The following DOCK2 variants were observed in gnomAD, a reference collection of about 807,000 sequenced individuals.
The protein encoded by DOCK2 is dedicator of cytokinesis protein 2.
DOCK2 carries 87 observed loss-of-function variants against 248.9 expected under a neutral mutation model. The observed-to-expected ratio is 0.35, with a 90% CI of 0.29 to 0.42. The LOEUF (loss-of-function observed/expected upper bound fraction) is 0.42, where lower values mean the gene tolerates loss of function less well. Among genes scored for constraint, DOCK2 ranks in the 10% least tolerant of loss-of-function variants. The pLI is 1.00. For missense variants in DOCK2, 1,747 were observed against 2,300.2 expected (o/e 0.76, Z 4.92); for synonymous variants, 805 against 821.6 (o/e 0.98, Z 0.35).
rs1764620261 is a variant in DOCK2 at position 169,763,801 on chromosome 5, C to T, written c.2554+2176C>T. The stretch of plus-strand genomic sequence containing the variant: ...AGAGACTAGAGGTAGACAAAGTATC[C>T]TTTGGGGACCCCTTTCAAAGAGGAG... On this transcript the variant is annotated intron_variant, in intron 25 of 51. Transcript: ENST00000520908. This position sits in a 1 kb window ranked among gnomAD's most constrained non-coding sequence, Gnocchi z 4.1. 6.6e-6 allele frequency among the ~76,000 whole-genome samples: 1 copy of T among 152,224 alleles called. No homozygotes were observed. Among genetic ancestry groups the T allele is most frequent in the Non-Finnish European group, 1.5e-5 (1 of 68,042 alleles).
At chr5:169,954,046 A>C (rs1776769540) in intron 27 of DOCK2, among the ~76,000 whole-genome samples, 4 of 152,250 alleles carry the variant, frequency 2.6e-5, no homozygotes, top group Non-Finnish European at 5.9e-5. Flanking sequence ...CAATCCTAAG[A>C]CTTTCAAAGA....
At chr5:169,700,233 T>G in intron 13 of DOCK2, 94 bp downstream of exon 13, 1 of 1,488,926 alleles carries the variant, frequency 6.7e-7, no homozygotes, top group African/African-American at 1.4e-5. Flanking sequence ...ACTCCTTCCT[T>G]TTTTACTGCC....
In DOCK2 at chr5:169,716,381, C is replaced by T; in HGVS notation, c.2031+79C>T. On this transcript the variant is annotated intron_variant, in intron 20 of 51. Coordinates refer to ENST00000520908, the MANE Select transcript of DOCK2 (RefSeq NM_004946.3). ...CTGTGAAAATACTGAGAACTCATGG[C>T]CCTCATGGCCCTCATGGCCTTTTTC... 3 of 1,279,602 alleles carry T rather than the reference C, an allele frequency of 2.3e-6. No homozygotes were observed. In the South Asian group the frequency reaches 3.8e-5, roughly 16 times the overall value. The allele number at this position is 1,279,602 out of a possible 1,614,324, so 79.3% of individuals were successfully genotyped here. A position where few individuals can be genotyped will look rare whatever the true frequency, so the allele number is the denominator to read the frequency against.
chr5:169,712,359 T>C, intron 17 of DOCK2, 136 bp downstream of exon 17: 7 of 682,464 alleles, frequency 1.0e-5, no homozygotes, highest in Middle Eastern at 3.4e-4. Context: ...TGGCCTCTTA[T>C]AAACTCTTGA....
At chr5:170,024,383 CAG>C (rs1755834384) in intron 33 of DOCK2, among the ~76,000 whole-genome samples, 3 of 104,338 alleles carry the variant, frequency 2.9e-5, no homozygotes, top group Middle Eastern at 0.018. Context: ...TTTTTTGAGA[CAG>C]AGTCTTACAC....
intron 27 of DOCK2, among the ~76,000 whole-genome samples, chr5:169,911,421 C>G (rs1774592228): frequency 6.6e-6 from 1 of 152,144 alleles, no homozygotes; most frequent in Admixed American, 6.5e-5. Context: ...TAGAGCTGTT[C>G]CCACTACACT....
intron 26 of DOCK2, among the ~76,000 whole-genome samples, chr5:169,808,308 C>T (rs1023078967): frequency 2.6e-5 from 4 of 152,008 alleles, no homozygotes; most frequent in African/African-American, 7.3e-5. Context: ...ATTTGGGGGG[C>T]GCTGTGTGTT....
chr5:170,025,751 AG>A (rs1349079075), intron 33 of DOCK2, among the ~76,000 whole-genome samples: 6 of 150,630 alleles, frequency 4.0e-5, no homozygotes, highest in Non-Finnish European at 8.9e-5. Flanking sequence ...GGTCTCATCT[AG>A]GTGTCTGTTC....
At chr5:169,806,990 C>G (rs1014830955) in intron 26 of DOCK2, among the ~76,000 whole-genome samples, 3 of 151,974 alleles carry the variant, frequency 2.0e-5, no homozygotes, top group Non-Finnish European at 4.4e-5. Flanking sequence ...TCCGGAACCG[C>G]TGAATATGGG....
At chr5:169,829,065 C>A (rs1769058476) in intron 26 of DOCK2, among the ~76,000 whole-genome samples, 1 of 151,804 alleles carries the variant, frequency 6.6e-6, no homozygotes, top group East Asian at 1.9e-4. Context: ...GATGCAGAGG[C>A]ATAAATAAAA....
intron 22 of DOCK2, among the ~76,000 whole-genome samples, chr5:169,724,573 G>A (rs946794548): frequency 6.6e-6 from 1 of 151,640 alleles, no homozygotes; most frequent in Admixed American, 6.6e-5. Context: ...AGTTCCACTG[G>A]CCTGCACTGG....
At chr5:169,840,685 T>G in intron 26 of DOCK2, 72 bp from the exon 27 acceptor site, 1 of 1,412,492 alleles carries the variant, frequency 7.1e-7, no homozygotes, top group Non-Finnish European at 9.9e-7. Context: ...ACCACTGTTG[T>G]CTGTGTCCTT....
At chr5:169,881,536 A>T in intron 27 of DOCK2, 3 of 918,680 alleles carry the variant, frequency 3.3e-6, no homozygotes, top group Non-Finnish European at 5.2e-6. Context: ...CCTATAGCAC[A>T]GCATTCACGG....
At chr5:169,948,290 G>A (rs1021891659) in intron 27 of DOCK2, among the ~76,000 whole-genome samples, 4 of 135,410 alleles carry the variant, frequency 3.0e-5, no homozygotes, top group East Asian at 2.0e-4. Flanking sequence ...GATTCAGAAC[G>A]TTTTTTAAAA....
At chr5:169,943,287 T>A (rs904802406) in intron 27 of DOCK2, among the ~76,000 whole-genome samples, 1 of 152,188 alleles carries the variant, frequency 6.6e-6, no homozygotes, top group Non-Finnish European at 1.5e-5. Flanking sequence ...TGGGTTGGAT[T>A]TATCTTGAGG....
At chr5:169,673,780 T>C (rs1759173611) in intron 5 of DOCK2, among the ~76,000 whole-genome samples, 1 of 152,224 alleles carries the variant, frequency 6.6e-6, no homozygotes. Context: ...CTCTTTCCCT[T>C]ACACAGAAGG....
At chr5:169,645,865 A>G (rs1309302768) in intron 1 of DOCK2, among the ~76,000 whole-genome samples, 2 of 152,000 alleles carry the variant, frequency 1.3e-5, no homozygotes, top group Non-Finnish European at 2.9e-5. Context: ...CTCCTGCCTC[A>G]GCCTCCCGAG....
chr5:169,655,769 A>G (rs1005073113), intron 2 of DOCK2, among the ~76,000 whole-genome samples: 2 of 152,254 alleles, frequency 1.3e-5, no homozygotes, highest in African/African-American at 2.4e-5. Context: ...TGTAGATACA[A>G]CCAAAAAACA....
At chr5:169,925,301 C>T (rs1342654813) in intron 27 of DOCK2, among the ~76,000 whole-genome samples, 1 of 152,098 alleles carries the variant, frequency 6.6e-6, no homozygotes, top group African/African-American at 2.4e-5. Flanking sequence ...CAGGTAAGAC[C>T]CTAGGACAGA....
Sources: gnomAD v4.1 joint callset for allele counts (sites outside exome capture counted in the v4.1 genomes callset) on GRCh38, gnomAD v4.1.1 for gene constraint, Gnocchi (gnomAD v3.1) non-coding constraint, MANE v1.5 for transcripts, NCBI Gene and HGNC (gene_info 2026-07-23, HGNC 2026-07-21) for gene names.